The following SIRT1 variants were observed in gnomAD, a reference collection of about 807,000 sequenced individuals.
SIRT1 encodes sirtuin 1.
Under a neutral mutation model 67.9 loss-of-function variants are expected in SIRT1, and 24 were observed. The ratio of observed to expected loss-of-function variants is 0.35; its 90% CI spans 0.26 to 0.50. The LOEUF (loss-of-function observed/expected upper bound fraction) is 0.50. Ranked by LOEUF, SIRT1 falls within the 20% of genes least tolerant of loss-of-function variation. SIRT1 has a pLI of 0.98. For missense variants in SIRT1, 873 were observed against 937.2 expected (o/e 0.93, Z 0.89); for synonymous variants, 378 against 350.7 (o/e 1.08, Z -0.87).
intron 4 of SIRT1, among the ~76,000 whole-genome samples, chr10:67,895,356 G>C (rs1842637548): frequency 6.6e-6 from 1 of 152,164 alleles, no homozygotes; most frequent in Admixed American, 6.5e-5. Context: ...CCAGGAGGTG[G>C]AGGTTGCAGT....
chr10:67,909,187 A>G (rs1842863751), intron 6 of SIRT1, 69 bp from the exon 7 acceptor site: 1 of 1,041,506 alleles, frequency 9.6e-7, no homozygotes, highest in South Asian at 1.7e-5. Flanking sequence ...AGGTATGGAA[A>G]TGTTGACTAT....
intron 4 of SIRT1, among the ~76,000 whole-genome samples, chr10:67,895,302 G>A (rs1299314097): frequency 1.3e-5 from 2 of 152,038 alleles, no homozygotes; most frequent in African/African-American, 2.4e-5. Context: ...GGCGCCTGTC[G>A]TCCCAGCTAC....
At chr10:67,886,856 T>C (rs1347282824) in intron 1 of SIRT1, among the ~76,000 whole-genome samples, 1 of 149,438 alleles carries the variant, frequency 6.7e-6, no homozygotes, top group Non-Finnish European at 1.5e-5. Flanking sequence ...ATTATTATCT[T>C]TTCTTTTTTT....
chr10:67,916,809 AAAAAG>A lies in SIRT1; in HGVS notation c.*217_*221del, dbSNP rs1489894484. ...CACTAACTTTTTTTTTTTTAAAAAA[AAAAAG>A]GTACTAAGTATCTTCAATCAGCTGT... On this transcript the variant is annotated 3_prime_UTR_variant, in exon 9 of 9. Transcript: ENST00000212015. 4.1e-5 allele frequency: 13 copies of A among 320,396 alleles called. No individual in the cohort carries two copies. Among genetic ancestry groups the A allele is most frequent in the African/African-American group, 1.7e-4 (8 of 48,172 alleles). The allele number at this position is 320,396 out of a possible 1,614,324, so 19.8% of individuals were successfully genotyped here. A position where few individuals can be genotyped will look rare whatever the true frequency, so the allele number is the denominator to read the frequency against.
chr10:67,896,761 C>CA (rs35899726), intron 4 of SIRT1, among the ~76,000 whole-genome samples: 19,951 of 56,634 alleles, frequency 0.35, 3,654 homozygotes, highest in African/African-American at 0.42. Flanking sequence ...GAATCTGTCT[C>CA]AAAAAAAAAA....
chr10:67,884,907 G>T lies in SIRT1; in HGVS notation c.186G>T (p.Ala62=), dbSNP rs1564880827. 2 of 1,222,094 alleles carry T rather than the reference G, an allele frequency of 1.6e-6. No homozygotes were observed. Among genetic ancestry groups the T allele is most frequent in the African/African-American group, 3.2e-5 (2 of 62,356 alleles). 75.7% of individuals were successfully genotyped at this position (1,222,094 alleles called of 1,614,324 possible). A position where few individuals can be genotyped will look rare whatever the true frequency, so the allele number is the denominator to read the frequency against. The change falls in exon 1 of 9, where the codon GCG becomes GCT. Residue 62 remains alanine (A), a synonymous_variant. Coordinates refer to ENST00000212015, the MANE Select transcript of SIRT1 (RefSeq NM_012238.5). Reference sequence around the variant, plus strand: ...CGGCCCCAGAGCGTGAGGTGCCGGCGGCGGCCAGGGGCTGCCCGGGTGCGG... The same window carrying T: ...CGGCCCCAGAGCGTGAGGTGCCGGCTGCGGCCAGGGGCTGCCCGGGTGCGG... The part of the protein sequence containing the change: ...GGAAPEREVP[A]AARGCPGAAA...
chr10:67,916,802 T>TTTAA lies in SIRT1; in HGVS notation c.*209_*210insTTAA. ...AACTCAACACTAACTTTTTTTTTTT[T>TTTAA]AAAAAAAAAAAGGTACTAAGTATCT... On this transcript the variant is annotated 3_prime_UTR_variant, in exon 9 of 9. Coordinates refer to ENST00000212015, the MANE Select transcript of SIRT1 (RefSeq NM_012238.5). The TTTAA allele has an allele frequency of 3.5e-6, 1 of 283,292 alleles. No individual in the cohort carries two copies. Among genetic ancestry groups the TTTAA allele is most frequent in the Non-Finnish European group, 6.5e-6 (1 of 154,424 alleles). The allele number at this position is 283,292 out of a possible 1,614,324, so 17.5% of individuals were successfully genotyped here.
At chr10:67,892,211 A>G (rs1322251384) in intron 4 of SIRT1, among the ~76,000 whole-genome samples, 1 of 152,214 alleles carries the variant, frequency 6.6e-6, no homozygotes, top group African/African-American at 2.4e-5. Context: ...ATTGGTTTTT[A>G]TATGGAAAAA....
At position 67,899,126 on chromosome 10, in the gene SIRT1, T is replaced by C. The variant is rs138466769; in HGVS notation, c.942+7572T>C. Among the ~76,000 whole-genome samples, 452 of 152,160 alleles carry C rather than the reference T, an allele frequency of 3.0e-3. 1 individual carries two copies. Among genetic ancestry groups the C allele is most frequent in the African/African-American group, 0.01 (433 of 41,522 alleles). On this transcript the variant is annotated intron_variant, in intron 4 of 8. Coordinates refer to ENST00000212015, the MANE Select transcript of SIRT1 (RefSeq NM_012238.5). The stretch of plus-strand genomic sequence containing the variant: ...CTTTAAGCCTTTAAGTCTCCTGATA[T>C]GTTTTGTCGTATTGCAGCTTGGAAA...
rs942784892 is a variant in SIRT1, at chr10:67,912,813, T to C, written c.1697T>C (p.Leu566Ser). The C allele has an allele frequency of 4.3e-6, 7 of 1,614,102 alleles. No individual in the cohort carries two copies. Among genetic ancestry groups the C allele is most frequent in the Non-Finnish European group, 5.9e-6 (7 of 1,179,988 alleles). ...LDQAAKSNDD[L>S]DVSESKGCME... ...CAAGCAGCTAAGAGTAATGATGATTTAGATGTGTCTGAATCAAAAGGTTGT... is the reference window on the plus strand; with the variant it reads ...CAAGCAGCTAAGAGTAATGATGATTCAGATGTGTCTGAATCAAAAGGTTGT... The change falls in exon 8 of 9, where the codon TTA (leucine) becomes TCA (serine). Residue 566 changes from leucine to serine, a missense_variant. Physicochemically the swap from Leu to Ser is moderately radical, Grantham distance 145. Transcript: ENST00000212015.
chr10:67,909,025 G>A (rs1201161725), intron 6 of SIRT1, among the ~76,000 whole-genome samples: 1 of 152,000 alleles, frequency 6.6e-6, no homozygotes, highest in African/African-American at 2.4e-5. Context: ...ACTCTTCAAT[G>A]TCAAGTGTTT....
At chr10:67,890,205 AC>A (rs1842547579) in intron 3 of SIRT1, among the ~76,000 whole-genome samples, 1 of 151,892 alleles carries the variant, frequency 6.6e-6, no homozygotes, top group Non-Finnish European at 1.5e-5. Flanking sequence ...ACAGGCGCAC[AC>A]CACCACACCT....
chr10:67,891,881 T>C (rs1344764947), intron 4 of SIRT1, among the ~76,000 whole-genome samples: 2 of 152,248 alleles, frequency 1.3e-5, no homozygotes, highest in Admixed American at 1.3e-4. Flanking sequence ...TTTAATATTT[T>C]ATTAGAGATT....
Position 67,909,258 on chromosome 10 carries a change from A to G in SIRT1, c.1173A>G (p.Val391=). Residue 391 remains valine, a splice_region_variant and synonymous_variant, in exon 7 of 9, where the codon GTA becomes GTG. Coordinates refer to ENST00000212015, the MANE Select transcript of SIRT1 (RefSeq NM_012238.5). ...EAVRGDIFNQ[V]VPRCPRCPAD... is the part of the protein sequence containing the mutation. ...AACCAAAATCTGAAAATATGTAGGT[A>G]GTTCCTCGATGTCCTAGGTGCCCAG... The G allele has an allele frequency of 1.3e-6, 2 of 1,588,070 alleles. No individual in the cohort carries two copies. Among genetic ancestry groups the G allele is most frequent in the Non-Finnish European group, 1.7e-6 (2 of 1,170,438 alleles).
At chr10:67,909,142 GT>G (rs542651682) in intron 6 of SIRT1, 113 bp from the exon 7 acceptor site, 639 of 626,848 alleles carry the variant, frequency 1.0e-3, no homozygotes, top group Non-Finnish European at 1.2e-3. Flanking sequence ...TTTCTGTTTT[GT>G]TTTTTTTTTA....
chr10:67,897,483 G>A (rs1842676365), intron 4 of SIRT1, among the ~76,000 whole-genome samples: 2 of 151,910 alleles, frequency 1.3e-5, no homozygotes, highest in Admixed American at 6.6e-5. Context: ...TTCTGCCTTA[G>A]CCTGCTGAGT....
Position 67,887,029 on chromosome 10 carries a change from G to C in SIRT1, c.431-388G>C, listed in dbSNP as rs925917276. 3.3e-5 allele frequency among the ~76,000 whole-genome samples: 5 copies of C among 151,946 alleles called. No homozygotes were observed. In the East Asian group the frequency reaches 7.7e-4, roughly 23 times the overall value. On this transcript the variant is annotated intron_variant, in intron 1 of 8. Coordinates refer to ENST00000212015, the MANE Select transcript of SIRT1 (RefSeq NM_012238.5). Reference sequence around the variant, plus strand: ...TGGGATTACAGGCATGCGCCACCATGCCCGGCTAATTTTTGTATTATTAGT... The same window carrying C: ...TGGGATTACAGGCATGCGCCACCATCCCCGGCTAATTTTTGTATTATTAGT...
In SIRT1 at chr10:67,917,392, C is replaced by T. The variant is rs747696902; in HGVS notation, c.*799C>T. On this transcript the variant is annotated 3_prime_UTR_variant, in exon 9 of 9. Transcript: ENST00000212015. ...TTGCTTTAGAAACATTAGTGCCTGC[C>T]TGGATCCCCTTAGTTTTGAAATATT... 1 of 152,610 alleles carries T rather than the reference C, an allele frequency of 6.6e-6. No homozygotes were observed. Among genetic ancestry groups the T allele is most frequent in the Non-Finnish European group, 1.5e-5 (1 of 68,012 alleles). 9.5% of individuals were successfully genotyped at this position (152,610 alleles called of 1,614,324 possible). A position where few individuals can be genotyped will look rare whatever the true frequency, so the allele number is the denominator to read the frequency against.
At chr10:67,908,170 T>G in intron 6 of SIRT1, 45 bp downstream of exon 6, 1 of 1,514,260 alleles carries the variant, frequency 6.6e-7, no homozygotes, top group Non-Finnish European at 9.1e-7. Context: ...GTCTCTGAAG[T>G]ATTTCTTCTT....
Sources: allele counts gnomAD v4.1 joint callset (sites outside exome capture counted in the v4.1 genomes callset), GRCh38; gene constraint gnomAD v4.1.1; transcripts MANE v1.5; gene names NCBI Gene and HGNC (gene_info 2026-07-23, HGNC 2026-07-21).